The following STS variants were observed in gnomAD, a reference collection of about 807,000 sequenced individuals.
The protein encoded by STS is steryl-sulfatase.
In STS, 7 loss-of-function variants were observed where a neutral mutation model predicts 26.8. The observed-to-expected ratio is 0.26, with a 90% confidence interval of 0.15 to 0.49. The LOEUF (loss-of-function observed/expected upper bound fraction) is 0.49. STS is among the 20% of genes least tolerant of loss of function. The pLI, the probability that STS is intolerant of heterozygous loss-of-function variation, is 0.98. For missense variants in STS, 434 were observed against 465.6 expected (o/e 0.93, Z 0.63); for synonymous variants, 199 against 189.4 (o/e 1.05, Z -0.42).
intron 6 of STS, among the ~76,000 whole-genome samples, chrX:7,266,554 G>A (rs1221404216): frequency 8.9e-6 from 1 of 112,021 alleles, no homozygotes; most frequent in Non-Finnish European, 1.9e-5. Flanking sequence ...ATCTGGGGGA[G>A]ATGCTTCTAT....
chrX:7,170,266 TA>T (rs1193271570), intron 1 of STS, among the ~76,000 whole-genome samples: 1 of 109,899 alleles, frequency 9.1e-6, no homozygotes, highest in Non-Finnish European at 1.9e-5. Context: ...AATAGTGATT[TA>T]CAGCAGTGGG....
intron 1 of STS, among the ~76,000 whole-genome samples, chrX:7,175,788 C>T (rs1430422388): frequency 9.0e-6 from 1 of 111,630 alleles, no homozygotes; most frequent in African/African-American, 3.3e-5. Flanking sequence ...GTGGGGTCCT[C>T]CATTATCCAG....
rs767705318 is a variant in STS, at chrX:7,345,697, C to G, written c.1364-4191C>G. ...CCATTCCAGCCTTTGTATGAGGACA[C>G]TGGCTCTTTCAGCTTTTAATAGTAA... On this transcript the variant is annotated intron_variant, in intron 10 of 10. Coordinates refer to ENST00000674429, the MANE Select transcript of STS (RefSeq NM_001320752.2). Among the ~76,000 whole-genome samples, 72 of 111,588 alleles carry G rather than the reference C, an allele frequency of 6.5e-4. 1 individual carries two copies. Among genetic ancestry groups the G allele is most frequent in the African/African-American group, 2.2e-3 (69 of 30,735 alleles).
At position 7,328,705 on chromosome X, in the gene STS, G is replaced by A. The variant is rs182934845; in HGVS notation, c.1241+3207G>A. Among the ~76,000 whole-genome samples, 59 of 110,252 alleles carry A rather than the reference G, an allele frequency of 5.4e-4. 2 individuals carry two copies. The highest frequency in any genetic ancestry group is 5.1e-3 in the Admixed American group (53 of 10,321). ...CTCCTGAGTAGCTGGGACTACAGGC[G>A]TGCACCACCATGCTTGGCTAATTTT... On this transcript the variant is annotated intron_variant, in intron 9 of 10. Coordinates refer to ENST00000674429, the MANE Select transcript of STS (RefSeq NM_001320752.2).
chrX:7,174,679 A>G (rs190629600), intron 1 of STS, among the ~76,000 whole-genome samples: 18 of 111,400 alleles, frequency 1.6e-4, no homozygotes, highest in Admixed American at 6.7e-4. Flanking sequence ...TCAGCATCCC[A>G]AATTTATCCC....
At chrX:7,230,962 C>T (rs1019142228) in intron 2 of STS, among the ~76,000 whole-genome samples, 2 of 111,994 alleles carry the variant, frequency 1.8e-5, no homozygotes, top group Non-Finnish European at 3.8e-5. Flanking sequence ...TGACAGAAGC[C>T]AGATACAAAA....
intron 2 of STS, among the ~76,000 whole-genome samples, chrX:7,246,794 A>G (rs1922904799): frequency 8.9e-6 from 1 of 112,628 alleles, no homozygotes; most frequent in South Asian, 3.7e-4. Context: ...TGAAGCCATT[A>G]CATATCTTTA....
chrX:7,205,777 G>C lies in STS; in HGVS notation c.-5+14769G>C, dbSNP rs375037837. Among the ~76,000 whole-genome samples the C allele has an allele frequency of 9.3e-5, 10 of 107,646 alleles. No individual in the cohort carries two copies. In the East Asian group the frequency reaches 1.2e-3, roughly 13 times the overall value. The allele number at this position is 107,646 out of a possible 115,157, so 93.5% of individuals were successfully genotyped here. ...CCTCTCACACACCACCACCATACCT[G>C]GCTAATTAAAAAACAAATTGTAGAG... On this transcript the variant is annotated intron_variant, in intron 2 of 10. Transcript: ENST00000674429.
intron 2 of STS, among the ~76,000 whole-genome samples, chrX:7,219,119 T>C (rs1189376140): frequency 3.6e-5 from 4 of 111,758 alleles, no homozygotes; most frequent in Admixed American, 1.9e-4. Flanking sequence ...GCTTAAACTA[T>C]CTTTAGGAAA....
At chrX:7,248,143 G>T (rs1220076774) in intron 2 of STS, among the ~76,000 whole-genome samples, 1 of 112,199 alleles carries the variant, frequency 8.9e-6, no homozygotes, top group Non-Finnish European at 1.9e-5. Flanking sequence ...ATCATTTGCA[G>T]TGCATACCCT....
chrX:7,267,886 T>A (rs1465255372), intron 6 of STS, among the ~76,000 whole-genome samples: 4 of 112,233 alleles, frequency 3.6e-5, no homozygotes, highest in African/African-American at 1.3e-4. Flanking sequence ...AAGCTCAATG[T>A]AGGATAACTC....
chrX:7,233,447 G>T (rs999174135), intron 2 of STS, among the ~76,000 whole-genome samples: 2 of 111,527 alleles, frequency 1.8e-5, no homozygotes, highest in South Asian at 7.5e-4. Context: ...ATACTCATTA[G>T]TGGGCTTGCT....
chrX:7,245,960 C>T (rs750230429), intron 2 of STS, among the ~76,000 whole-genome samples: 7 of 112,135 alleles, frequency 6.2e-5, no homozygotes, highest in Non-Finnish European at 1.3e-4. Flanking sequence ...ACCCACCTAG[C>T]TATTTAAACA....
intron 2 of STS, among the ~76,000 whole-genome samples, chrX:7,238,880 A>G (rs1466414141): frequency 9.0e-6 from 1 of 111,091 alleles, no homozygotes; most frequent in Non-Finnish European, 1.9e-5. Context: ...GCAGGAACCA[A>G]TAGAATCTTC....
chrX:7,209,697 G>A (rs1182227644), intron 2 of STS, among the ~76,000 whole-genome samples: 8 of 104,300 alleles, frequency 7.7e-5, no homozygotes, highest in Admixed American at 1.1e-4. Flanking sequence ...TGTGCAGAAC[G>A]TGCAGGTTAG....
At chrX:7,266,068 A>G (rs1923989106) in intron 6 of STS, among the ~76,000 whole-genome samples, 1 of 112,254 alleles carries the variant, frequency 8.9e-6, no homozygotes, top group African/African-American at 3.2e-5. Flanking sequence ...AGCAGCCGAA[A>G]AAGGAATGCC....
chrX:7,224,407 T>C (rs1207120665), intron 2 of STS, among the ~76,000 whole-genome samples: 1 of 111,153 alleles, frequency 9.0e-6, no homozygotes, highest in African/African-American at 3.3e-5. Flanking sequence ...GGACTGACTG[T>C]TTATTTCCCC....
chrX:7,241,259 A>G (rs951900979), intron 2 of STS, among the ~76,000 whole-genome samples: 3 of 112,108 alleles, frequency 2.7e-5, no homozygotes, highest in African/African-American at 9.7e-5. Flanking sequence ...ACAACAAAAC[A>G]TTTATTTAAA....
At chrX:7,233,676 A>G (rs1272683645) in intron 2 of STS, among the ~76,000 whole-genome samples, 4 of 111,738 alleles carry the variant, frequency 3.6e-5, no homozygotes, top group African/African-American at 1.3e-4. Context: ...CAATTATGAG[A>G]CAGCTTGTTC....
Sources: allele counts gnomAD v4.1 joint callset (sites outside exome capture counted in the v4.1 genomes callset), GRCh38; gene constraint gnomAD v4.1.1; transcripts MANE v1.5; gene names NCBI Gene and HGNC (gene_info 2026-07-23, HGNC 2026-07-21).